EFCAB5: variants seen among roughly 807,000 people sequenced by gnomAD.
The protein encoded by EFCAB5 is EF-hand calcium-binding domain-containing protein 5.
In EFCAB5, 131 loss-of-function variants were observed where a neutral mutation model predicts 167.9. That is an observed-to-expected ratio of 0.78 (90% CI 0.68 to 0.90). The LOEUF (loss-of-function observed/expected upper bound fraction) is 0.90. EFCAB5 is among the 40% of genes least tolerant of loss of function. The pLI is 0.00. For synonymous variants in EFCAB5, 574 were observed against 602.8 expected, an observed-to-expected ratio of 0.95 and a Z score of 0.70; for missense variants, 1,663 against 1,745.2, an observed-to-expected ratio of 0.95 and a Z score of 0.84.
At chr17:30,042,164 A>G (rs1188564569) in intron 8 of EFCAB5, among the ~76,000 whole-genome samples, 1 of 152,022 alleles carries the variant, frequency 6.6e-6, no homozygotes, top group African/African-American at 2.4e-5. Context: ...GCGCACCACC[A>G]TGCCCAGCTA....
chr17:30,043,024 A>C (rs11654983), intron 8 of EFCAB5, among the ~76,000 whole-genome samples: 77,486 of 151,818 alleles, frequency 0.51, 20,147 homozygotes, highest in African/African-American at 0.56. Flanking sequence ...ACGTGCCTAT[A>C]ATCCAAGCTA....
chr17:30,105,954 T>C (rs972360206), intron 22 of EFCAB5, among the ~76,000 whole-genome samples: 1 of 152,206 alleles, frequency 6.6e-6, no homozygotes, highest in Non-Finnish European at 1.5e-5. Flanking sequence ...ATACCTTTTG[T>C]TGTATAGTTC....
At chr17:29,996,396 A>T (rs2068544917) in intron 6 of EFCAB5, 36 bp downstream of exon 6, 1 of 1,502,578 alleles carries the variant, frequency 6.7e-7, no homozygotes, top group African/African-American at 1.4e-5. Context: ...TTTTATTTTT[A>T]TTTCTTTTTT....
At chr17:29,939,307 G>T (rs928532283), upstream of EFCAB5, among the ~76,000 whole-genome samples, 6 of 152,280 alleles carry the variant, frequency 3.9e-5, no homozygotes, top group Middle Eastern at 6.8e-3. Context: ...AGACTTTGTT[G>T]TTCCATTTAT....
intron 8 of EFCAB5, among the ~76,000 whole-genome samples, chr17:30,038,066 C>G (rs905368674): frequency 1.3e-5 from 2 of 152,140 alleles, no homozygotes; most frequent in African/African-American, 4.8e-5. Context: ...GCCCCTTGCT[C>G]CAGTTAGCCA....
chr17:30,018,987 T>A (rs1567718057), intron 7 of EFCAB5, among the ~76,000 whole-genome samples: 1 of 152,336 alleles, frequency 6.6e-6, no homozygotes, highest in East Asian at 1.9e-4. Flanking sequence ...TGATATGGTA[T>A]GGATGCTTTC....
rs918595781 is a variant in EFCAB5 at position 30,054,184 on chromosome 17, G to A, written c.2194+36G>A. The stretch of plus-strand genomic sequence containing the variant: ...AGTTCTTCTACAACATCAGTTCCCT[G>A]TTTTGTGGAATGGTTTTTAAAGTCT... On this transcript the variant is annotated intron_variant, in intron 10 of 22. Coordinates refer to ENST00000394835, the MANE Select transcript of EFCAB5 (RefSeq NM_198529.4). The A allele has an allele frequency of 3.4e-6, 5 of 1,477,530 alleles. No individual in the cohort carries two copies. In the African/African-American group the frequency reaches 7.1e-5, roughly 21 times the overall value. The allele number at this position is 1,477,530 out of a possible 1,614,324, so 91.5% of individuals were successfully genotyped here.
chr17:29,935,253 G>A (rs2067235462), intron 1 of EFCAB5, among the ~76,000 whole-genome samples: 2 of 152,146 alleles, frequency 1.3e-5, no homozygotes, highest in African/African-American at 4.8e-5. Flanking sequence ...TGTCCTGACA[G>A]GAGACAGAAA....
chr17:30,092,826 T>C lies in EFCAB5; in HGVS notation c.4225-14T>C, dbSNP rs369806726. ...TGGTGATCCCATAAATTTTCTCTTG[T>C]TGTTTGTTCACAGTATGTTAACAAA... On this transcript the variant is annotated splice_polypyrimidine_tract_variant and intron_variant, in intron 21 of 22. Coordinates refer to ENST00000394835, the MANE Select transcript of EFCAB5 (RefSeq NM_198529.4). 444 of 1,591,248 alleles carry C rather than the reference T, an allele frequency of 2.8e-4. 1 individual carries two copies. The African/African-American group carries it at 5.1e-3, about 18-fold the overall frequency.
Position 30,079,707 on chromosome 17 carries a change from G to GCT in EFCAB5, c.3028-353_3028-352dup, listed in dbSNP as rs574597940. On this transcript the variant is annotated intron_variant, in intron 15 of 22. Transcript: ENST00000394835. ...GAAGTGAAGGCAACTTCTTGGCCCA[G>GCT]CTCTCTCTCTCTCAAATCAACACTT... Among the ~76,000 whole-genome samples, 722 of 152,014 alleles carry GCT rather than the reference G, an allele frequency of 4.7e-3. 4 individuals carry two copies. The highest frequency in any genetic ancestry group is 8.3e-3 in the Non-Finnish European group (561 of 67,964).
intron 10 of EFCAB5, 106 bp from the exon 11 acceptor site, chr17:30,055,782 T>A: frequency 8.7e-7 from 1 of 1,151,940 alleles, no homozygotes; most frequent in Non-Finnish European, 1.2e-6. Flanking sequence ...GTACTTAGAG[T>A]TTTTGGTGTT....
chr17:29,989,254 T>A (rs1249432220), intron 4 of EFCAB5, among the ~76,000 whole-genome samples: 1 of 152,006 alleles, frequency 6.6e-6, no homozygotes, highest in African/African-American at 2.4e-5. Context: ...AGAAATCGAG[T>A]TTTGCAAGTG....
chr17:29,933,092 C>T (rs1433456707), intron 1 of EFCAB5, among the ~76,000 whole-genome samples: 1 of 152,154 alleles, frequency 6.6e-6, no homozygotes, highest in African/African-American at 2.4e-5. Context: ...AAATGTTTAT[C>T]TACCTCTTAG....
intron 1 of EFCAB5, among the ~76,000 whole-genome samples, chr17:29,934,733 A>G (rs1265640584): frequency 6.6e-6 from 1 of 152,132 alleles, no homozygotes; most frequent in African/African-American, 2.4e-5. Flanking sequence ...TTTGCTTGGC[A>G]AGAACTTCAT....
chr17:30,102,718 T>C (rs1597579073), intron 22 of EFCAB5, among the ~76,000 whole-genome samples: 1 of 152,200 alleles, frequency 6.6e-6, no homozygotes, highest in Non-Finnish European at 1.5e-5. Flanking sequence ...CAGAAGATTT[T>C]TTAAAAAACT....
At chr17:29,992,151 C>G in intron 4 of EFCAB5, among the ~76,000 whole-genome samples, 1 of 152,038 alleles carries the variant, frequency 6.6e-6, no homozygotes, top group East Asian at 1.9e-4. Context: ...CATTCCCAGC[C>G]TCTGTAACCA....
intron 7 of EFCAB5, among the ~76,000 whole-genome samples, chr17:30,017,813 A>T (rs1444323112): frequency 6.6e-6 from 1 of 151,956 alleles, no homozygotes; most frequent in African/African-American, 2.4e-5. Context: ...TATAATTTTT[A>T]TTTTATCCAG....
At chr17:30,087,823 T>C (rs1034775294) in intron 19 of EFCAB5, among the ~76,000 whole-genome samples, 3 of 152,226 alleles carry the variant, frequency 2.0e-5, no homozygotes, top group Non-Finnish European at 4.4e-5. Context: ...ATGGGATTGC[T>C]GGGTCAAATG....
At chr17:29,947,184 A>G (rs188029866) in intron 3 of EFCAB5, among the ~76,000 whole-genome samples, 57 of 152,144 alleles carry the variant, frequency 3.7e-4, no homozygotes, top group Middle Eastern at 6.8e-3. Context: ...AAAAAAAAAA[A>G]AAAGAAAAAG....
Sources: gnomAD v4.1 joint callset for allele counts (sites outside exome capture counted in the v4.1 genomes callset) on GRCh38, gnomAD v4.1.1 for gene constraint, MANE v1.5 for transcripts, NCBI Gene and HGNC (gene_info 2026-07-23, HGNC 2026-07-21) for gene names.